Variants in DYNC2H1 observed in about 807,000 individuals in gnomAD.
DYNC2H1 encodes dynein cytoplasmic 2 heavy chain 1.
In DYNC2H1, 410 loss-of-function variants were observed where a neutral mutation model predicts 570.0. The observed-to-expected ratio is 0.72, with a 90% CI of 0.66 to 0.78. The LOEUF (loss-of-function observed/expected upper bound fraction) is 0.78. Ranked by LOEUF, DYNC2H1 falls within the 30% of genes least tolerant of loss-of-function variation. The pLI is 0.00. For synonymous variants in DYNC2H1, 1,688 were observed against 1,677.6 expected (o/e 1.01, Z -0.15); for missense variants, 4,865 against 5,046.4 (o/e 0.96, Z 1.09).
chr11:103,147,328 T>A (rs1487884210), intron 18 of DYNC2H1, among the ~76,000 whole-genome samples: 1 of 152,182 alleles, frequency 6.6e-6, no homozygotes, highest in African/African-American at 2.4e-5. Flanking sequence ...ATTGTTTTAG[T>A]GCTTTAATAA....
chr11:103,167,420 A>G (rs954650125), intron 31 of DYNC2H1, among the ~76,000 whole-genome samples: 1 of 152,030 alleles, frequency 6.6e-6, no homozygotes, highest in Non-Finnish European at 1.5e-5. Flanking sequence ...GACATGTGTC[A>G]TCATGGCTGG....
chr11:103,311,928 T>A lies in DYNC2H1; in HGVS notation c.11544T>A (p.Thr3848=), dbSNP rs755798883. 2.5e-6 allele frequency: 4 copies of A among 1,613,564 alleles called. No individual in the cohort carries two copies. Among genetic ancestry groups the A allele is most frequent in the Non-Finnish European group, 3.4e-6 (4 of 1,179,752 alleles). ...TAATGCGTACTTATGAGTCTTGGACTCCTGAGCAAATTAGCAAAAAAGATA... is the reference window on the plus strand; with the variant it reads ...TAATGCGTACTTATGAGTCTTGGACACCTGAGCAAATTAGCAAAAAAGATA... ...KNLMRTYESW[T]PEQISKKDNT... The change falls in exon 79 of 89, where the codon ACT becomes ACA. Residue 3848 remains threonine, a synonymous_variant. Coordinates refer to ENST00000375735, the MANE Select transcript of DYNC2H1 (RefSeq NM_001377.3).
At chr11:103,138,852 T>C (rs982589418) in intron 17 of DYNC2H1, among the ~76,000 whole-genome samples, 2 of 152,016 alleles carry the variant, frequency 1.3e-5, no homozygotes, top group Admixed American at 6.6e-5. Context: ...CTGGACTCTT[T>C]TTGGTTGGTA....
rs775443483 is a variant in DYNC2H1, at chr11:103,154,684, G to A, written c.3459-11G>A. 8.9e-6 allele frequency: 14 copies of A among 1,564,568 alleles called. No homozygotes were observed. Among genetic ancestry groups the A allele is most frequent in the East Asian group, 2.3e-5 (1 of 43,126 alleles). On this transcript the variant is annotated splice_polypyrimidine_tract_variant and intron_variant, in intron 23 of 88. Coordinates refer to ENST00000375735, the MANE Select transcript of DYNC2H1 (RefSeq NM_001377.3). ...ATGTAATCTTTGCAATGTGTTTTTGGTATTTTATAGGACTAAGACATACCT... is the reference window on the plus strand; with the variant it reads ...ATGTAATCTTTGCAATGTGTTTTTGATATTTTATAGGACTAAGACATACCT...
rs953796620 is a variant in DYNC2H1, at chr11:103,154,601, T to C, written c.3453T>C (p.Thr1151=). 1 of 1,592,300 alleles carries C rather than the reference T, an allele frequency of 6.3e-7. No individual in the cohort carries two copies. Among genetic ancestry groups the C allele is most frequent in the Admixed American group, 1.8e-5 (1 of 55,310 alleles). ...AAATGGCCAATGAAGACTGGATCAC[T>C]TTTCGGTTTGATTCAAAAACAATAT... The part of the protein sequence containing the change: ...FQEMANEDWI[T]FRTKTYLFEE... Residue 1151 remains threonine (T), a synonymous_variant, in exon 23 of 89, where the codon ACT becomes ACC. Transcript: ENST00000375735.
At chr11:103,288,812 C>G (rs57475471) in intron 75 of DYNC2H1, among the ~76,000 whole-genome samples, 2 of 145,492 alleles carry the variant, frequency 1.4e-5, no homozygotes, top group African/African-American at 5.1e-5. Context: ...ACCCAGGAGG[C>G]GGAGGTTGCA....
chr11:103,423,060 GA>G (rs386374723), intron 84 of DYNC2H1, among the ~76,000 whole-genome samples: 4 of 80,438 alleles, frequency 5.0e-5, no homozygotes, highest in Non-Finnish European at 8.6e-5. Flanking sequence ...ACCGTTTTAT[GA>G]AAACGAGAAA....
intron 77 of DYNC2H1, among the ~76,000 whole-genome samples, chr11:103,306,668 T>G (rs1867297716): frequency 6.6e-6 from 1 of 152,186 alleles, no homozygotes; most frequent in South Asian, 2.1e-4. Context: ...GTCATTTTTT[T>G]GTCATCTTAA....
At position 103,431,757 on chromosome 11, in the gene DYNC2H1, A is replaced by G. The variant is rs191699128; in HGVS notation, c.12367-4186A>G. On this transcript the variant is annotated intron_variant, in intron 84 of 88. Transcript: ENST00000375735. ...TGATTGTGGAAGTGTTTTCCCTGCA[A>G]AATGTTGTTGAGATGCTTAAAGAAA... 1.3e-3 allele frequency among the ~76,000 whole-genome samples: 202 copies of G among 152,216 alleles called. 2 individuals are homozygous for G. Among genetic ancestry groups the G allele is most frequent in the South Asian group, 6.2e-4 (3 of 4,812 alleles).
chr11:103,280,285 G>A lies in DYNC2H1; in HGVS notation c.10696-63G>A, dbSNP rs542093299. On this transcript the variant is annotated intron_variant, in intron 70 of 88. Coordinates refer to ENST00000375735, the MANE Select transcript of DYNC2H1 (RefSeq NM_001377.3). The surrounding 1 kb of genome is among the most constrained non-coding windows in gnomAD (Gnocchi z 4.7). ...AGATTTTTGTGTGCCAAATTTTAAC[G>A]ACTATGCTTTTCCAAAGACACAAAT... 11 of 1,499,948 alleles carry A rather than the reference G, an allele frequency of 7.3e-6. No individual in the cohort carries two copies. Among genetic ancestry groups the A allele is most frequent in the Admixed American group, 2.0e-5 (1 of 50,620 alleles). 92.9% of individuals were successfully genotyped at this position (1,499,948 alleles called of 1,614,324 possible).
At chr11:103,393,935 A>T (rs1234887316) in intron 83 of DYNC2H1, among the ~76,000 whole-genome samples, 3 of 152,192 alleles carry the variant, frequency 2.0e-5, no homozygotes, top group Non-Finnish European at 4.4e-5. Flanking sequence ...TATCACGAGT[A>T]CAGCATGGGA....
rs574730017 is a variant in DYNC2H1, at chr11:103,172,333, C to G, written c.5335-749C>G. Among the ~76,000 whole-genome samples, 398 of 152,092 alleles carry G rather than the reference C, an allele frequency of 2.6e-3. 3 individuals are homozygous for G. Among genetic ancestry groups the G allele is most frequent in the South Asian group, 3.9e-3 (19 of 4,822 alleles). The stretch of plus-strand genomic sequence containing the variant: ...TCCTCTTCCCTGGGACCTTATTATC[C>G]CTTGTGCTATAGCTTCAGTCTTCCC... On this transcript the variant is annotated intron_variant, in intron 34 of 88. Coordinates refer to ENST00000375735, the MANE Select transcript of DYNC2H1 (RefSeq NM_001377.3).
In DYNC2H1 at chr11:103,163,181, A is replaced by C. The variant is rs752532547; in HGVS notation, c.4611+34A>C. On this transcript the variant is annotated intron_variant, in intron 30 of 88. Transcript: ENST00000375735. The surrounding 1 kb of genome is among the most constrained non-coding windows in gnomAD (Gnocchi z 4.6). ...GCTTACGTGTAGAAGCTACATAGGCATGGAACGTGGAAAGATCCCTGACCT... is the reference window on the plus strand; with the variant it reads ...GCTTACGTGTAGAAGCTACATAGGCCTGGAACGTGGAAAGATCCCTGACCT... 8.9e-6 allele frequency: 14 copies of C among 1,579,350 alleles called. No individual in the cohort carries two copies. Among genetic ancestry groups the C allele is most frequent in the Non-Finnish European group, 1.2e-5 (14 of 1,162,988 alleles).
At position 103,235,791 on chromosome 11, in the gene DYNC2H1, G is replaced by A; in HGVS notation, c.9687G>A (p.Trp3229Ter). 3.1e-6 allele frequency: 5 copies of A among 1,611,386 alleles called. No individual in the cohort carries two copies. Among genetic ancestry groups the A allele is most frequent in the Non-Finnish European group, 3.4e-6 (4 of 1,178,254 alleles). Residue 3229 changes from tryptophan to a stop codon, truncating the protein, a stop_gained, in exon 62 of 89, where the codon TGG becomes TGA. Transcript: ENST00000375735. LOFTEE classifies it high-confidence loss of function. Reference protein sequence around the residue: ...ESLRKTCLEEWTKSAGLEKFD... With the variant: ...ESLRKTCLEE ...TGAGAAAAACCTGTTTGGAAGAATG[G>A]ACCAAGTCAGCTGGTCTTGAGAGTT...
At chr11:103,235,844 G>A (rs1226475650) in intron 62 of DYNC2H1, 31 bp downstream of exon 62, 5 of 1,606,066 alleles carry the variant, frequency 3.1e-6, no homozygotes, top group Non-Finnish European at 4.3e-6. Context: ...GATCTTGAGA[G>A]TTTGTATTTA....
intron 83 of DYNC2H1, among the ~76,000 whole-genome samples, chr11:103,386,475 T>C (rs187365160): frequency 4.3e-5 from 6 of 140,440 alleles, no homozygotes; most frequent in African/African-American, 1.3e-4. Flanking sequence ...CACAAAAGTA[T>C]TTTGGGCTAT....
intron 50 of DYNC2H1, among the ~76,000 whole-genome samples, chr11:103,202,262 GT>G (rs1424825162): frequency 7.0e-6 from 1 of 142,020 alleles, no homozygotes; most frequent in East Asian, 2.1e-4. Flanking sequence ...TGGAGACATT[GT>G]TCATTTTGGC....
intron 84 of DYNC2H1, among the ~76,000 whole-genome samples, chr11:103,400,095 T>C (rs1368055872): frequency 6.6e-6 from 1 of 152,236 alleles, no homozygotes; most frequent in Non-Finnish European, 1.5e-5. Flanking sequence ...CATGTCAGTT[T>C]ATGTTAGCTA....
intron 13 of DYNC2H1, among the ~76,000 whole-genome samples, chr11:103,131,237 T>G (rs1009604319): frequency 3.3e-5 from 5 of 152,170 alleles, no homozygotes; most frequent in Admixed American, 1.3e-4. Context: ...AAATATGATT[T>G]AAAGAACTCA....
Sources: allele counts gnomAD v4.1 joint callset (sites outside exome capture counted in the v4.1 genomes callset), GRCh38; gene constraint gnomAD v4.1.1; non-coding constraint Gnocchi (gnomAD v3.1); transcripts MANE v1.5; gene names NCBI Gene and HGNC (gene_info 2026-07-23, HGNC 2026-07-21).